The following DLC1 variants were observed in gnomAD, a reference collection of about 807,000 sequenced individuals.
DLC1 encodes rho GTPase-activating protein 7.
DLC1 carries 54 observed loss-of-function variants against 140.3 expected under a neutral mutation model. The ratio of observed to expected loss-of-function variants is 0.38; its 90% CI spans 0.31 to 0.48. The LOEUF is 0.48. Among genes scored for constraint, DLC1 ranks in the 20% least tolerant of loss-of-function variants. The probability of loss-of-function intolerance (pLI) is 0.96; values close to 1 mark genes in which losing one functional copy is unlikely to be tolerated. For synonymous variants in DLC1, 986 were observed against 728.1 expected, an observed-to-expected ratio of 1.35 and a Z score of -5.70; for missense variants, 2,536 against 1,907.0, an observed-to-expected ratio of 1.33 and a Z score of -6.14.
chr8:13,415,293 A>G (rs1366839590), intron 2 of DLC1, among the ~76,000 whole-genome samples: 1 of 152,152 alleles, frequency 6.6e-6, no homozygotes, highest in Non-Finnish European at 1.5e-5. Context: ...TAAAAATATT[A>G]TTAGTCACTT....
intron 4 of DLC1, chr8:13,341,881 T>C (rs1834071105): frequency 6.6e-6 from 1 of 152,164 alleles, no homozygotes; most frequent in Non-Finnish European, 1.5e-5. Context: ...TAATCACCGG[T>C]GAACATGAAA....
chr8:13,131,124 G>C (rs959975837), intron 5 of DLC1, among the ~76,000 whole-genome samples: 6 of 151,992 alleles, frequency 3.9e-5, no homozygotes, highest in African/African-American at 1.5e-4. Flanking sequence ...TGCCTTACAG[G>C]GCACCCCTCT....
At chr8:13,592,673 T>A (rs762440058) in intron 1 of DLC1, among the ~76,000 whole-genome samples, 1 of 152,076 alleles carries the variant, frequency 6.6e-6, no homozygotes, top group Non-Finnish European at 1.5e-5. Flanking sequence ...GTAAGAGGAT[T>A]TCCAGTGTTT....
intron 2 of DLC1, among the ~76,000 whole-genome samples, chr8:13,420,243 T>G (rs578000690): frequency 8.3e-4 from 127 of 152,282 alleles, no homozygotes; most frequent in African/African-American, 2.5e-3. Flanking sequence ...CTACTTTTCT[T>G]GTAGGGTCTT....
intron 1 of DLC1, among the ~76,000 whole-genome samples, chr8:13,537,034 A>T (rs910854523): frequency 5.9e-5 from 9 of 152,166 alleles, no homozygotes; most frequent in African/African-American, 2.2e-4. Context: ...ATCTATAAAA[A>T]CTGGGATTGA....
chr8:13,353,388 A>G (rs1297228547), intron 4 of DLC1: 1 of 152,230 alleles, frequency 6.6e-6, no homozygotes, highest in Non-Finnish European at 1.5e-5. Flanking sequence ...TCTTAAAACA[A>G]CAACAGGCCA....
intron 4 of DLC1, among the ~76,000 whole-genome samples, chr8:13,317,120 G>C (rs958855239): frequency 1.3e-5 from 2 of 152,172 alleles, no homozygotes; most frequent in African/African-American, 4.8e-5. Context: ...AATGAATTCT[G>C]AGCTTTCTGT....
intron 2 of DLC1, among the ~76,000 whole-genome samples, chr8:13,465,095 C>G (rs1017273026): frequency 6.6e-6 from 1 of 152,088 alleles, no homozygotes; most frequent in African/African-American, 2.4e-5. Context: ...GAGTTCATAT[C>G]TGTATGATAT....
At chr8:13,594,480 C>A (rs6530650) in intron 1 of DLC1, among the ~76,000 whole-genome samples, 36,632 of 152,000 alleles carry the variant, frequency 0.24, 4,440 homozygotes, top group African/African-American at 0.27. Context: ...TTGCTTTCGT[C>A]TCTTTTCCTT....
At chr8:13,454,442 G>GTTCCAT in intron 2 of DLC1, among the ~76,000 whole-genome samples, 1 of 152,118 alleles carries the variant, frequency 6.6e-6, no homozygotes, top group Middle Eastern at 3.4e-3. Flanking sequence ...TTCCTAACAA[G>GTTCCAT]GCAAAAAGTA....
intron 5 of DLC1, among the ~76,000 whole-genome samples, chr8:13,189,308 C>A (rs1307003352): frequency 6.6e-6 from 1 of 152,108 alleles, no homozygotes; most frequent in Non-Finnish European, 1.5e-5. Context: ...ACAAGTGGAA[C>A]TCCAGCCAAG....
chr8:13,401,787 C>A (rs1837312308), intron 2 of DLC1, among the ~76,000 whole-genome samples, 168 bp from the exon 3 acceptor site: 1 of 152,118 alleles, frequency 6.6e-6, no homozygotes, highest in Non-Finnish European at 1.5e-5. Flanking sequence ...TGGGAAGACA[C>A]TGACCTAGTG....
intron 2 of DLC1, among the ~76,000 whole-genome samples, chr8:13,474,136 AG>A (rs1468926318): frequency 2.6e-5 from 4 of 152,192 alleles, no homozygotes; most frequent in Non-Finnish European, 5.9e-5. Context: ...TTTGTGGGCC[AG>A]GCCCAGGGTC....
At position 13,107,389 on chromosome 8, in the gene DLC1, A is replaced by G. The variant is rs1243966490; in HGVS notation, c.1502+3353T>C. On this transcript the variant is annotated intron_variant, in intron 7 of 17. Coordinates refer to ENST00000276297, the MANE Select transcript of DLC1 (RefSeq NM_182643.3). ...TAGAGTAAATACGAGATCACTTATA[A>G]GATCCCTGCATAAAATATGGTCCAG... Among the ~76,000 whole-genome samples, 3 of 152,254 alleles carry G rather than the reference A, an allele frequency of 2.0e-5. No individual in the cohort carries two copies. In the East Asian group the frequency reaches 5.8e-4, roughly 29 times the overall value.
At chr8:13,119,323 C>G (rs1260786575) in intron 5 of DLC1, among the ~76,000 whole-genome samples, 5 of 151,968 alleles carry the variant, frequency 3.3e-5, no homozygotes, top group Admixed American at 6.6e-5. Context: ...TCCCTGTACC[C>G]AAGCACTCTA....
chr8:13,523,693 A>G (rs1273720998), intron 1 of DLC1, among the ~76,000 whole-genome samples: 1 of 152,200 alleles, frequency 6.6e-6, no homozygotes, highest in Non-Finnish European at 1.5e-5. Context: ...AAGTTCAAAG[A>G]ATGATATGGA....
chr8:13,430,393 A>G (rs1205450334), intron 2 of DLC1, among the ~76,000 whole-genome samples: 2 of 152,194 alleles, frequency 1.3e-5, no homozygotes, highest in African/African-American at 4.8e-5. Context: ...CATTATTTCC[A>G]ATGCTGCTTA....
intron 4 of DLC1, among the ~76,000 whole-genome samples, chr8:13,361,599 C>T (rs948090256): frequency 1.3e-5 from 2 of 152,022 alleles, no homozygotes; most frequent in Non-Finnish European, 2.9e-5. Flanking sequence ...ACTTAATGGA[C>T]ATTTTAGGTA....
At chr8:13,320,047 T>C (rs1653035) in intron 4 of DLC1, among the ~76,000 whole-genome samples, 130,534 of 151,444 alleles carry the variant, frequency 0.86, 56,577 homozygotes, top group Middle Eastern at 0.96. Context: ...TCCTGACCTC[T>C]TGATCCGCCC....
Sources: allele counts gnomAD v4.1 joint callset (sites outside exome capture counted in the v4.1 genomes callset), GRCh38; gene constraint gnomAD v4.1.1; transcripts MANE v1.5; gene names NCBI Gene and HGNC (gene_info 2026-07-23, HGNC 2026-07-21).